NKAIN3: variants seen among roughly 807,000 people sequenced by gnomAD.
NKAIN3 encodes the protein sodium/potassium transporting ATPase interacting 3.
A neutral mutation model predicts 30.2 loss-of-function variants in NKAIN3; 25 were observed. The observed-to-expected ratio is 0.83, with a 90% CI of 0.60 to 1.16. The LOEUF (loss-of-function observed/expected upper bound fraction) is 1.16, where lower values mean the gene tolerates loss of function less well. Ranked by LOEUF, NKAIN3 falls within the 50% of genes most tolerant of loss-of-function variation. NKAIN3 has a pLI of 0.00. For synonymous variants in NKAIN3, 91 were observed against 89.6 expected (o/e 1.02, Z -0.09); for missense variants, 225 against 254.1 (o/e 0.89, Z 0.78).
chr8:62,805,255 C>T (rs1485216500), intron 4 of NKAIN3, among the ~76,000 whole-genome samples: 1 of 151,686 alleles, frequency 6.6e-6, no homozygotes, highest in Non-Finnish European at 1.5e-5. Context: ...CAATGCCATC[C>T]CCATCAAGCT....
chr8:62,564,607 G>C (rs928854171), intron 1 of NKAIN3, among the ~76,000 whole-genome samples: 3 of 152,116 alleles, frequency 2.0e-5, no homozygotes, highest in African/African-American at 7.2e-5. Context: ...TTCTTGGCCT[G>C]CCCATTTTTA....
intron 1 of NKAIN3, among the ~76,000 whole-genome samples, chr8:62,273,160 TAAAG>T (rs1195387244): frequency 6.6e-6 from 1 of 152,216 alleles, no homozygotes; most frequent in East Asian, 1.9e-4. Flanking sequence ...GTTCTATACT[TAAAG>T]AAATATTAGA....
chr8:62,959,549 G>A (rs1823512350), intron 6 of NKAIN3, among the ~76,000 whole-genome samples: 1 of 151,648 alleles, frequency 6.6e-6, no homozygotes, highest in African/African-American at 2.4e-5. Context: ...TTAGTAAACT[G>A]CAGCTGGAGG....
At chr8:62,648,412 TG>T (rs1318494141) in intron 3 of NKAIN3, among the ~76,000 whole-genome samples, 1 of 152,128 alleles carries the variant, frequency 6.6e-6, no homozygotes, top group Non-Finnish European at 1.5e-5. Context: ...AATAGTCCTA[TG>T]TCTTAGCCCA....
chr8:62,288,380 A>G (rs908112411), intron 1 of NKAIN3, among the ~76,000 whole-genome samples: 1 of 152,082 alleles, frequency 6.6e-6, no homozygotes, highest in African/African-American at 2.4e-5. Flanking sequence ...TCCTAATGCT[A>G]TCCCTCCTCC....
intron 4 of NKAIN3, among the ~76,000 whole-genome samples, chr8:62,799,877 G>A (rs1325780768): frequency 6.6e-6 from 1 of 152,104 alleles, no homozygotes; most frequent in East Asian, 1.9e-4. Context: ...GCCATAAAAA[G>A]GAACAAAATA....
At chr8:62,744,806 A>G (rs1380498134) in intron 3 of NKAIN3, among the ~76,000 whole-genome samples, 1 of 152,232 alleles carries the variant, frequency 6.6e-6, no homozygotes, top group Admixed American at 6.5e-5. Context: ...GTAGCAAACC[A>G]ACAACCAAAA....
At chr8:62,584,710 C>A (rs749169511) in intron 2 of NKAIN3, among the ~76,000 whole-genome samples, 1 of 152,192 alleles carries the variant, frequency 6.6e-6, no homozygotes, top group Non-Finnish European at 1.5e-5. Context: ...CTTGGAAAAC[C>A]TTTAATAATC....
chr8:62,258,768 G>T (rs1812338824), intron 1 of NKAIN3, among the ~76,000 whole-genome samples: 1 of 152,122 alleles, frequency 6.6e-6, no homozygotes, highest in Non-Finnish European at 1.5e-5. Flanking sequence ...GGGATGCTTT[G>T]GGAAAAAGAT....
intron 1 of NKAIN3, among the ~76,000 whole-genome samples, chr8:62,440,094 C>G (rs1033938292): frequency 6.6e-6 from 1 of 152,090 alleles, no homozygotes; most frequent in African/African-American, 2.4e-5. Context: ...TTTATTTACT[C>G]CTTTTTGCAA....
chr8:62,658,510 C>T (rs1812835360), intron 3 of NKAIN3, among the ~76,000 whole-genome samples: 1 of 152,104 alleles, frequency 6.6e-6, no homozygotes, highest in Non-Finnish European at 1.5e-5. Flanking sequence ...GCGGTATACC[C>T]ATTCATATAT....
chr8:62,863,551 A>G, intron 4 of NKAIN3: 1 of 1,221,472 alleles, frequency 8.2e-7, no homozygotes, highest in African/African-American at 1.5e-5. Flanking sequence ...GATGGTGGCC[A>G]AGTACTCCCA....
At position 62,978,980 on chromosome 8, in the gene NKAIN3, C is replaced by G. The variant is rs1016759085; in HGVS notation, c.*13573C>G. 2.6e-5 allele frequency: 4 copies of G among 152,932 alleles called. No homozygotes were observed. In the Admixed American group the frequency reaches 2.6e-4, roughly 10 times the overall value. The allele number at this position is 152,932 out of a possible 1,614,324, so 9.5% of individuals were successfully genotyped here. On this transcript the variant is annotated 3_prime_UTR_variant, in exon 7 of 7. Transcript: ENST00000623646. ...TGGCTAGGGGAGGGAGTTCCCCAACCCCTTGCACTTCCCAGGTGAGGCAAT... is the reference window on the plus strand; with the variant it reads ...TGGCTAGGGGAGGGAGTTCCCCAACGCCTTGCACTTCCCAGGTGAGGCAAT...
chr8:62,288,016 A>C (rs1813437746), intron 1 of NKAIN3, among the ~76,000 whole-genome samples: 1 of 152,116 alleles, frequency 6.6e-6, no homozygotes, highest in Non-Finnish European at 1.5e-5. Context: ...ACCTGACAAT[A>C]GCCTATGAAG....
At chr8:62,418,666 T>C (rs1484440531) in intron 1 of NKAIN3, among the ~76,000 whole-genome samples, 1 of 152,170 alleles carries the variant, frequency 6.6e-6, no homozygotes, top group African/African-American at 2.4e-5. Flanking sequence ...CATTTTTCAG[T>C]GTTCTGGGGA....
chr8:62,813,086 A>G (rs1818544178), intron 4 of NKAIN3, among the ~76,000 whole-genome samples: 1 of 151,934 alleles, frequency 6.6e-6, no homozygotes, highest in Non-Finnish European at 1.5e-5. Context: ...TCCTGGCACC[A>G]TTTATTAAAA....
At chr8:62,339,014 GT>G (rs1815655720) in intron 1 of NKAIN3, among the ~76,000 whole-genome samples, 2 of 151,976 alleles carry the variant, frequency 1.3e-5, no homozygotes, top group Non-Finnish European at 2.9e-5. Flanking sequence ...TTGACACAGG[GT>G]GGTCAGAGAG....
intron 4 of NKAIN3, chr8:62,864,242 AGAGGAGGCGGCC>A: frequency 1.2e-6 from 1 of 801,326 alleles, no homozygotes; most frequent in Non-Finnish European, 2.1e-6. Flanking sequence ...CAGCAGGATT[AGAGGAGGCGGCC>A]GAGGCAGACG....
chr8:62,296,280 T>C (rs748541030), intron 1 of NKAIN3, among the ~76,000 whole-genome samples: 8 of 152,160 alleles, frequency 5.3e-5, no homozygotes, highest in Non-Finnish European at 1.2e-4. Context: ...AGGAGGAGGC[T>C]GAATAACTTT....
Sources: allele counts gnomAD v4.1 joint callset (sites outside exome capture counted in the v4.1 genomes callset), GRCh38; gene constraint gnomAD v4.1.1; transcripts MANE v1.5; gene names NCBI Gene and HGNC (gene_info 2026-07-23, HGNC 2026-07-21).